FOXB1: variants seen among roughly 807,000 people sequenced by gnomAD.
The protein encoded by FOXB1 is forkhead box protein B1.
A neutral mutation model predicts 18.6 loss-of-function variants in FOXB1; 6 were observed. The observed-to-expected ratio is 0.32, with a 90% CI of 0.18 to 0.64. The LOEUF (loss-of-function observed/expected upper bound fraction) is 0.64. Ranked by LOEUF, FOXB1 falls within the 30% of genes least tolerant of loss-of-function variation. The pLI, the probability that FOXB1 is intolerant of heterozygous loss-of-function variation, is 0.78. For synonymous variants in FOXB1, 213 were observed against 216.0 expected (o/e 0.99, Z 0.12); for missense variants, 419 against 463.6 (o/e 0.90, Z 0.88).
chr15:60,004,693 G>C (rs1892068459), intron 1 of FOXB1, 50 bp downstream of exon 1: 1 of 518,994 alleles, frequency 1.9e-6, no homozygotes, highest in Non-Finnish European at 3.5e-6. Context: ...CCCCAGTACC[G>C]ACTTACTTCC....
At chr15:60,004,861 T>C in intron 1 of FOXB1, 46 bp from the exon 2 acceptor site, 2 of 953,442 alleles carry the variant, frequency 2.1e-6, no homozygotes, top group South Asian at 3.5e-5. Context: ...CGCCGGTGTC[T>C]CTGTGCATCC....
At position 60,006,119 on chromosome 15, in the gene FOXB1, C is replaced by G. The variant is rs972426042; in HGVS notation, c.*178C>G. 1 of 795,562 alleles carries G rather than the reference C, an allele frequency of 1.3e-6. No homozygotes were observed. Among genetic ancestry groups the G allele is most frequent in the Non-Finnish European group, 1.9e-6 (1 of 527,760 alleles). The allele number at this position is 795,562 out of a possible 1,614,324, so 49.3% of individuals were successfully genotyped here. ...TTGGACCCAGGAGACCAAACACAAACTTGCAGATGGGCCGAGAGGCGCGTG... is the reference window on the plus strand; with the variant it reads ...TTGGACCCAGGAGACCAAACACAAAGTTGCAGATGGGCCGAGAGGCGCGTG... On this transcript the variant is annotated 3_prime_UTR_variant, in exon 2 of 2. Transcript: ENST00000396057.
rs540628384 is a variant in FOXB1, at chr15:60,005,594, C to G, written c.631C>G (p.Leu211Val). The G allele has an allele frequency of 2.8e-5, 45 of 1,607,616 alleles. No homozygotes were observed. In the African/African-American group the frequency reaches 5.9e-4, roughly 21 times the overall value. Residue 211 changes from leucine (L) to valine (V), a missense_variant, in exon 2 of 2, where the codon CTG becomes GTG. Coordinates refer to ENST00000396057, the MANE Select transcript of FOXB1 (RefSeq NM_012182.3). The surrounding 1 kb of genome is among the most constrained non-coding windows in gnomAD (Gnocchi z 9.8). ...CCAGTTGACTACCATGGGCAGCTCG[C>G]TGGGCACCGGCTGGCCACACGTGTA... ...PNQLTTMGSS[L>V]GTGWPHVYGS...
Position 60,006,428 on chromosome 15 carries a change from T to G in FOXB1, c.*487T>G, listed in dbSNP as rs907006902. 2 of 157,532 alleles carry G rather than the reference T, an allele frequency of 1.3e-5. No homozygotes were observed. Among genetic ancestry groups the G allele is most frequent in the Non-Finnish European group, 2.8e-5 (2 of 71,986 alleles). 9.8% of individuals were successfully genotyped at this position (157,532 alleles called of 1,614,324 possible). The stretch of plus-strand genomic sequence containing the variant: ...AGCGCAGGGGAGGGCCGGATCTCTT[T>G]ACGTCTTGGAAATCTGCAGCAAAAA... On this transcript the variant is annotated 3_prime_UTR_variant, in exon 2 of 2. Transcript: ENST00000396057.
Position 60,006,097 on chromosome 15 carries a change from G to C in FOXB1, c.*156G>C, listed in dbSNP as rs997992489. ...CTTGCCCCAAGAGAACTTTGTTTTGGACCCAGGAGACCAAACACAAACTTG... is the reference window on the plus strand; with the variant it reads ...CTTGCCCCAAGAGAACTTTGTTTTGCACCCAGGAGACCAAACACAAACTTG... On this transcript the variant is annotated 3_prime_UTR_variant, in exon 2 of 2. Coordinates refer to ENST00000396057, the MANE Select transcript of FOXB1 (RefSeq NM_012182.3). The C allele has an allele frequency of 1.1e-5, 10 of 949,638 alleles. No individual in the cohort carries two copies. The African/African-American group carries it at 1.5e-4, about 15-fold the overall frequency. 58.8% of individuals were successfully genotyped at this position (949,638 alleles called of 1,614,324 possible). A position where few individuals can be genotyped will look rare whatever the true frequency, so the allele number is the denominator to read the frequency against.
chr15:60,005,930 G>T lies in FOXB1; in HGVS notation c.967G>T (p.Ala323Ser). The T allele has an allele frequency of 6.3e-7, 1 of 1,585,876 alleles. No homozygotes were observed. ...TSPASALHSV[A>S]VH is the part of the protein sequence containing the mutation. ...CCCGGCCTCCGCCTTGCACTCGGTG[G>T]CGGTGCACTGACCCGCAGGAGCCCA... The change falls in exon 2 of 2, where the codon GCG (alanine) becomes TCG (serine). Residue 323 changes from alanine to serine, a missense_variant. Coordinates refer to ENST00000396057, the MANE Select transcript of FOXB1 (RefSeq NM_012182.3). This position sits in a 1 kb window ranked among gnomAD's most constrained non-coding sequence, Gnocchi z 9.8.
chr15:60,006,198 A>C lies in FOXB1; in HGVS notation c.*257A>C. Reference sequence around the variant, plus strand: ...AGGCCGGGGCCACCTGAGCCGAACCATCCCCTCCCTGAGGCCCCGAAACCC... The same window carrying C: ...AGGCCGGGGCCACCTGAGCCGAACCCTCCCCTCCCTGAGGCCCCGAAACCC... On this transcript the variant is annotated 3_prime_UTR_variant, in exon 2 of 2. Transcript: ENST00000396057. The C allele has an allele frequency of 6.3e-6, 3 of 477,952 alleles. No homozygotes were observed. The highest frequency in any genetic ancestry group is 3.5e-5 in the East Asian group (1 of 28,890). 29.6% of individuals were successfully genotyped at this position (477,952 alleles called of 1,614,324 possible).
In FOXB1 at chr15:60,006,135, G is replaced by A; in HGVS notation, c.*194G>A. On this transcript the variant is annotated 3_prime_UTR_variant, in exon 2 of 2. Coordinates refer to ENST00000396057, the MANE Select transcript of FOXB1 (RefSeq NM_012182.3). Reference sequence around the variant, plus strand: ...AAACACAAACTTGCAGATGGGCCGAGAGGCGCGTGGGAGTTGTCCTCGCCC... The same window carrying A: ...AAACACAAACTTGCAGATGGGCCGAAAGGCGCGTGGGAGTTGTCCTCGCCC... 1 of 689,646 alleles carries A rather than the reference G, an allele frequency of 1.5e-6. No homozygotes were observed. 42.7% of individuals were successfully genotyped at this position (689,646 alleles called of 1,614,324 possible).
chr15:60,004,633 G>C lies in FOXB1; in HGVS notation c.-68G>C. ...CCCGGATGCGGACGCGCAACTTGAA[G>C]CAACTTTAAGGTGAGCAGCTCTCTG... On this transcript the variant is annotated 5_prime_UTR_variant, in exon 1 of 2. Transcript: ENST00000396057. The C allele has an allele frequency of 4.3e-6, 1 of 230,326 alleles. No homozygotes were observed. Among genetic ancestry groups the C allele is most frequent in the Non-Finnish European group, 8.4e-6 (1 of 118,840 alleles). The allele number at this position is 230,326 out of a possible 1,614,324, so 14.3% of individuals were successfully genotyped here. A position where few individuals can be genotyped will look rare whatever the true frequency, so the allele number is the denominator to read the frequency against.
In FOXB1 at chr15:60,005,161, C is replaced by A; in HGVS notation, c.198C>A (p.Ser66=). 3 of 1,614,242 alleles carry A rather than the reference C, an allele frequency of 1.9e-6. No individual in the cohort carries two copies. Among genetic ancestry groups the A allele is most frequent in the Non-Finnish European group, 1.7e-6 (2 of 1,180,046 alleles). ...AGAACAGTCTGCGCCACAACCTCTC[C>A]TTCAACGACTGCTTCATCAAGATCC... is the stretch of plus-strand genomic sequence containing the variant. ...RWQNSLRHNL[S]FNDCFIKIPR... Residue 66 remains serine, a synonymous_variant, in exon 2 of 2, where the codon TCC becomes TCA. Coordinates refer to ENST00000396057, the MANE Select transcript of FOXB1 (RefSeq NM_012182.3). This position sits in a 1 kb window ranked among gnomAD's most constrained non-coding sequence, Gnocchi z 9.8.
At position 60,006,033 on chromosome 15, in the gene FOXB1, G is replaced by A. The variant is rs1892092818; in HGVS notation, c.*92G>A. 5.7e-6 allele frequency: 8 copies of A among 1,395,874 alleles called. No homozygotes were observed. The highest frequency in any genetic ancestry group is 1.5e-5 in the African/African-American group (1 of 68,690). The allele number at this position is 1,395,874 out of a possible 1,614,324, so 86.5% of individuals were successfully genotyped here. ...GTCCTGCCGGCCCCCACCTGGGACC[G>A]CCACCCTAACTTGTTCATTTCACCT... On this transcript the variant is annotated 3_prime_UTR_variant, in exon 2 of 2. Coordinates refer to ENST00000396057, the MANE Select transcript of FOXB1 (RefSeq NM_012182.3).
chr15:60,005,317 G>T lies in FOXB1; in HGVS notation c.354G>T (p.Ala118=), dbSNP rs529808977. 3 of 1,610,476 alleles carry T rather than the reference G, an allele frequency of 1.9e-6. No individual in the cohort carries two copies. The Admixed American group carries it at 5.0e-5, about 27-fold the overall frequency. ...RFKVLKSDHL[A]PSKPADAAQY... ...AGGTGCTTAAGTCCGACCACCTGGC[G>T]CCCAGCAAGCCAGCCGACGCGGCGC... is the stretch of plus-strand genomic sequence containing the variant. Residue 118 remains alanine, a synonymous_variant, in exon 2 of 2, where the codon GCG becomes GCT. Coordinates refer to ENST00000396057, the MANE Select transcript of FOXB1 (RefSeq NM_012182.3). This position sits in a 1 kb window ranked among gnomAD's most constrained non-coding sequence, Gnocchi z 9.8.
At position 60,005,379 on chromosome 15, in the gene FOXB1, C is replaced by G; in HGVS notation, c.416C>G (p.Ala139Gly). The G allele has an allele frequency of 6.2e-7, 1 of 1,601,320 alleles. No homozygotes were observed. The highest frequency in any genetic ancestry group is 8.5e-7 in the Non-Finnish European group (1 of 1,175,254). ...CAGCAGGCCAAGCTGCGGCTCAGCG[C>G]GCTGGCGGCCTCGGGCACGCACCTG... ...LQQQAKLRLS[A>G]LAASGTHLPQ... Residue 139 changes from alanine to glycine, a missense_variant, in exon 2 of 2, where the codon GCG (alanine) becomes GGG (glycine). Around this residue, in one of 3 missense-constraint regions of FOXB1, gnomAD observed 71 missense variants for 110.0 expected, o/e 0.65. Coordinates refer to ENST00000396057, the MANE Select transcript of FOXB1 (RefSeq NM_012182.3). This position sits in a 1 kb window ranked among gnomAD's most constrained non-coding sequence, Gnocchi z 9.8.
rs775812463 is a variant in FOXB1, at chr15:60,005,704, G to A, written c.741G>A (p.Pro247=). The A allele has an allele frequency of 5.6e-6, 9 of 1,604,506 alleles. No homozygotes were observed. Among genetic ancestry groups the A allele is most frequent in the Admixed American group, 1.7e-5 (1 of 59,748 alleles). The part of the protein sequence containing the change: ...DYSAYGVPLK[P]LCHAAGQTLP... ...GCGCCTACGGCGTGCCGTTGAAGCCGCTGTGCCACGCGGCGGGCCAAACGC... is the reference window on the plus strand; with the variant it reads ...GCGCCTACGGCGTGCCGTTGAAGCCACTGTGCCACGCGGCGGGCCAAACGC... The change falls in exon 2 of 2, where the codon CCG becomes CCA. Residue 247 remains proline, a synonymous_variant. Coordinates refer to ENST00000396057, the MANE Select transcript of FOXB1 (RefSeq NM_012182.3). The surrounding 1 kb of genome is among the most constrained non-coding windows in gnomAD (Gnocchi z 9.8).
At position 60,004,751 on chromosome 15, in the gene FOXB1, G is replaced by C. The variant is rs945119824; in HGVS notation, c.-58+108G>C. ...CGGCTTCCCCTCCCGCGCCCACTAAGCCCGCAAAGTTGCTGGCGAAAGAGT... is the reference window on the plus strand; with the variant it reads ...CGGCTTCCCCTCCCGCGCCCACTAACCCCGCAAAGTTGCTGGCGAAAGAGT... On this transcript the variant is annotated intron_variant, in intron 1 of 1. Transcript: ENST00000396057. 3.1e-5 allele frequency: 18 copies of C among 581,346 alleles called. No homozygotes were observed. The African/African-American group carries it at 3.2e-4, about 10-fold the overall frequency. The allele number at this position is 581,346 out of a possible 1,614,324, so 36.0% of individuals were successfully genotyped here.
rs999699005 is a variant in FOXB1, at chr15:60,007,343, G to A, written c.*1402G>A. ...TTAAATATTGATGTTCTTGTTCCCA[G>A]CATGCCTGTTTTAAAACAAAGGATT... On this transcript the variant is annotated 3_prime_UTR_variant, in exon 2 of 2. Coordinates refer to ENST00000396057, the MANE Select transcript of FOXB1 (RefSeq NM_012182.3). The A allele has an allele frequency of 1.3e-5, 2 of 151,756 alleles. No individual in the cohort carries two copies. Among genetic ancestry groups the A allele is most frequent in the African/African-American group, 4.8e-5 (2 of 41,292 alleles). 9.4% of individuals were successfully genotyped at this position (151,756 alleles called of 1,614,324 possible).
rs1468523892 is a variant in FOXB1, at chr15:60,006,891, T to A, written c.*950T>A. 1 of 147,176 alleles carries A rather than the reference T, an allele frequency of 6.8e-6. No individual in the cohort carries two copies. The highest frequency in any genetic ancestry group is 2.0e-4 in the East Asian group (1 of 5,020). 9.1% of individuals were successfully genotyped at this position (147,176 alleles called of 1,614,324 possible). On this transcript the variant is annotated 3_prime_UTR_variant, in exon 2 of 2. Coordinates refer to ENST00000396057, the MANE Select transcript of FOXB1 (RefSeq NM_012182.3). ...ACTTTCCGATGACTTAGAGACCTTT[T>A]TAGCTATTTATTTTATTGTTGGGAA...
In FOXB1 at chr15:60,004,768, C is replaced by T. The variant is rs559155534; in HGVS notation, c.-58+125C>T. On this transcript the variant is annotated intron_variant, in intron 1 of 1. Coordinates refer to ENST00000396057, the MANE Select transcript of FOXB1 (RefSeq NM_012182.3). ...CCCACTAAGCCCGCAAAGTTGCTGGCGAAAGAGTCCGGGCGCTGGCTGATC... is the reference window on the plus strand; with the variant it reads ...CCCACTAAGCCCGCAAAGTTGCTGGTGAAAGAGTCCGGGCGCTGGCTGATC... 2.7e-4 allele frequency: 161 copies of T among 595,608 alleles called. 3 individuals are homozygous for T. In the South Asian group the frequency reaches 3.3e-3, roughly 12 times the overall value. 36.9% of individuals were successfully genotyped at this position (595,608 alleles called of 1,614,324 possible). A position where few individuals can be genotyped will look rare whatever the true frequency, so the allele number is the denominator to read the frequency against.
chr15:60,005,762 C>T lies in FOXB1; in HGVS notation c.799C>T (p.Pro267Ser). Residue 267 changes from proline (P) to serine (S), a missense_variant, in exon 2 of 2, where the codon CCG becomes TCG. Transcript: ENST00000396057. This position sits in a 1 kb window ranked among gnomAD's most constrained non-coding sequence, Gnocchi z 9.8. ...CATCCCCGTGCCCATTAAGCCCACG[C>T]CGGCCGCCGTGCCCGCGCTGCCTGC... ...PAIPVPIKPT[P>S]AAVPALPALP... The T allele has an allele frequency of 1.2e-6, 2 of 1,600,288 alleles. No homozygotes were observed. Among genetic ancestry groups the T allele is most frequent in the Non-Finnish European group, 8.5e-7 (1 of 1,176,698 alleles).
Sources: allele counts gnomAD v4.1 joint callset, GRCh38; gene constraint gnomAD v4.1.1; regional missense constraint gnomAD v4.1.1; non-coding constraint Gnocchi (gnomAD v3.1); transcripts MANE v1.5; gene names NCBI Gene and HGNC (gene_info 2026-07-23, HGNC 2026-07-21).